DNAH5: variants seen among roughly 807,000 people sequenced by gnomAD.
DNAH5 encodes the protein dynein axonemal heavy chain 5.
In DNAH5, 372 loss-of-function variants were observed where a neutral mutation model predicts 518.2. That is an observed-to-expected ratio of 0.72 (90% CI 0.66 to 0.78). The LOEUF is 0.78. Among genes scored for constraint, DNAH5 ranks in the 30% least tolerant of loss-of-function variants. The pLI, the probability that DNAH5 is intolerant of heterozygous loss-of-function variation, is 0.00. For synonymous variants in DNAH5, 2,039 were observed against 2,025.9 expected, an observed-to-expected ratio of 1.01 and a Z score of -0.17; for missense variants, 5,523 against 5,687.0, an observed-to-expected ratio of 0.97 and a Z score of 0.93.
At chr5:13,741,522 GA>G (rs1257461413) in intron 65 of DNAH5, among the ~76,000 whole-genome samples, 1 of 152,120 alleles carries the variant, frequency 6.6e-6, no homozygotes, top group Non-Finnish European at 1.5e-5. Context: ...TCAAATTTCA[GA>G]AAATGTAGAA....
intron 3 of DNAH5, 114 bp downstream of exon 3, chr5:13,927,980 C>T: frequency 1.2e-6 from 1 of 860,114 alleles, no homozygotes; most frequent in Non-Finnish European, 1.9e-6. Flanking sequence ...CACGCATCTC[C>T]CTCCCGCCCG....
chr5:13,985,430 A>AATATATACATATAT (rs1395996357), intron 1 of DNAH5, among the ~76,000 whole-genome samples: 33 of 127,330 alleles, frequency 2.6e-4, no homozygotes, highest in African/African-American at 8.9e-4. Flanking sequence ...AGTATAATAA[A>AATATATACATATAT]ATATATATAT....
rs112622685 is a variant in DNAH5, at chr5:13,872,357, G to A, written c.3397-592C>T. Among the ~76,000 whole-genome samples the A allele has an allele frequency of 3.4e-3, 523 of 152,258 alleles. 4 individuals carry two copies. The highest frequency in any genetic ancestry group is 0.012 in the African/African-American group (502 of 41,568). On this transcript the variant is annotated intron_variant, in intron 22 of 78. Transcript: ENST00000265104. Reference sequence around the variant, plus strand: ...ATAAAATGTATAATTCATATAACTAGAATTGACATCTGAACAATACTACAT... The same window carrying A: ...ATAAAATGTATAATTCATATAACTAAAATTGACATCTGAACAATACTACAT...
At position 13,883,035 on chromosome 5, in the gene DNAH5, T is replaced by G. The variant is rs756780275; in HGVS notation, c.3043A>C (p.Thr1015Pro). 1 of 1,614,168 alleles carries G rather than the reference T, an allele frequency of 6.2e-7. No individual in the cohort carries two copies. Among genetic ancestry groups the G allele is most frequent in the East Asian group, 2.2e-5 (1 of 44,886 alleles). Reference sequence around the variant, plus strand: ...ATGACGATGTTGGGAATGGCCAGAGTGACGCTTGCCCGGAAAATGGGCAAA... The same window carrying G: ...ATGACGATGTTGGGAATGGCCAGAGGGACGCTTGCCCGGAAAATGGGCAAA... ...NSLPIFRASV[T>P]LAIPNIVMAP... is the part of the protein sequence containing the mutation. The change falls in exon 20 of 79, where the codon ACT becomes CCT. Residue 1015 changes from threonine (T) to proline (P), a missense_variant. Physicochemically the swap from Thr to Pro is conservative, Grantham distance 38. Coordinates refer to ENST00000265104, the MANE Select transcript of DNAH5 (RefSeq NM_001369.3).
At chr5:13,832,259 T>A (rs1261806217) in intron 35 of DNAH5, among the ~76,000 whole-genome samples, 1 of 152,216 alleles carries the variant, frequency 6.6e-6, no homozygotes, top group Non-Finnish European at 1.5e-5. Flanking sequence ...ACAACTGAGA[T>A]CACTGGGTTT....
intron 70 of DNAH5, among the ~76,000 whole-genome samples, chr5:13,722,007 C>A (rs1190091368): frequency 3.3e-5 from 5 of 152,142 alleles, no homozygotes; most frequent in Non-Finnish European, 5.9e-5. Flanking sequence ...AACATTTTTC[C>A]TCCTATTCTG....
At chr5:14,006,926 C>G (rs866381661) in intron 1 of DNAH5, among the ~76,000 whole-genome samples, 17 of 152,208 alleles carry the variant, frequency 1.1e-4, no homozygotes, top group Non-Finnish European at 2.2e-4. Context: ...GAGCTCCACT[C>G]TGAGCCTCCA....
At chr5:13,765,150 A>C (rs1256082379) in intron 59 of DNAH5, among the ~76,000 whole-genome samples, 1 of 152,230 alleles carries the variant, frequency 6.6e-6, no homozygotes, top group Non-Finnish European at 1.5e-5. Context: ...TGGCAGCTTA[A>C]AACAGCCATC....
At chr5:13,811,098 G>T (rs1760632026) in intron 44 of DNAH5, among the ~76,000 whole-genome samples, 1 of 152,038 alleles carries the variant, frequency 6.6e-6, no homozygotes, top group Non-Finnish European at 1.5e-5. Context: ...AGTGGGGAGG[G>T]GTGAGGAAAT....
intron 54 of DNAH5, among the ~76,000 whole-genome samples, 193 bp from the exon 55 acceptor site, chr5:13,776,899 T>C (rs989079188): frequency 5.9e-5 from 9 of 152,214 alleles, no homozygotes; most frequent in African/African-American, 2.2e-4. Flanking sequence ...TGCAAAGTTG[T>C]AGCCCCGGAA....
intron 49 of DNAH5, among the ~76,000 whole-genome samples, chr5:13,793,309 A>G (rs1175856023): frequency 6.6e-6 from 1 of 152,194 alleles, no homozygotes; most frequent in African/African-American, 2.4e-5. Context: ...CATAAATGGA[A>G]AAGCTCTACC....
intron 1 of DNAH5, among the ~76,000 whole-genome samples, chr5:14,003,152 A>C (rs1366442842): frequency 1.3e-5 from 2 of 152,210 alleles, no homozygotes; most frequent in East Asian, 3.8e-4. Context: ...TCTTAATAGC[A>C]GTAAATTAAT....
intron 1 of DNAH5, among the ~76,000 whole-genome samples, chr5:14,007,450 A>G (rs1784797879): frequency 6.6e-6 from 1 of 152,188 alleles, no homozygotes; most frequent in Non-Finnish European, 1.5e-5. Flanking sequence ...TGGTGGCCCA[A>G]TCTGGAAGCG....
At chr5:13,923,154 A>G (rs1227703261) in intron 4 of DNAH5, 126 bp downstream of exon 4, 2 of 1,274,812 alleles carry the variant, frequency 1.6e-6, no homozygotes, top group Admixed American at 2.0e-5. Flanking sequence ...TTTTTAAAAA[A>G]TACTTCTCTG....
At chr5:13,920,739 T>C in intron 5 of DNAH5, 122 bp from the exon 6 acceptor site, 1 of 1,004,398 alleles carries the variant, frequency 1.0e-6, no homozygotes, top group Non-Finnish European at 1.5e-6. Context: ...AGGTAGCACA[T>C]ACCTCCTCTC....
At position 13,870,792 on chromosome 5, in the gene DNAH5, A is replaced by G. The variant is rs1278064923; in HGVS notation, c.3809T>C (p.Ile1270Thr). ...CTCAATAGGTCCTACTTGAAAGTCA[A>G]TGGAGATTTGCTCCTCCCTTATTTC... The part of the protein sequence containing the change: ...LKEIREEQIS[I>T]DFQVGPIEES... The change falls in exon 24 of 79, where the codon ATT becomes ACT. Residue 1270 changes from isoleucine to threonine, a missense_variant. Ile to Thr is a moderately conservative substitution (Grantham distance 89, BLOSUM62 -1). Transcript: ENST00000265104. The G allele has an allele frequency of 3.1e-6, 5 of 1,613,588 alleles. No homozygotes were observed. Among genetic ancestry groups the G allele is most frequent in the South Asian group, 1.1e-5 (1 of 91,082 alleles).
chr5:13,931,059 A>AC, intron 2 of DNAH5, 51 bp downstream of exon 2: 1 of 1,613,366 alleles, frequency 6.2e-7, no homozygotes, highest in Non-Finnish European at 8.5e-7. Flanking sequence ...GTGTCAACAG[A>AC]CCATCTGTGC....
At position 13,841,350 on chromosome 5, in the gene DNAH5, T is replaced by G. The variant is rs2053683; in HGVS notation, c.5485-220A>C. ...CTCATTGTTTCCTGTATTTTAATGC[T>G]GAATCTATTTTTCTTTTTTTAGTAA... On this transcript the variant is annotated intron_variant, in intron 33 of 78. Coordinates refer to ENST00000265104, the MANE Select transcript of DNAH5 (RefSeq NM_001369.3). Among the ~76,000 whole-genome samples the G allele has an allele frequency of 0.4, 60,431 of 152,012 alleles. 12,356 individuals carry two copies. The highest frequency in any genetic ancestry group is 0.61 in the East Asian group (3,134 of 5,162).
At chr5:13,827,221 ATGGAAAGGAAAACACCAT>A (rs1409581604) in intron 38 of DNAH5, among the ~76,000 whole-genome samples, 8 of 152,198 alleles carry the variant, frequency 5.3e-5, no homozygotes, top group African/African-American at 1.9e-4. Context: ...CAATGATGCA[ATGGAAAGGAAAACACCAT>A]TTTCTGAGGA....
Sources: allele counts gnomAD v4.1 joint callset (sites outside exome capture counted in the v4.1 genomes callset), GRCh38; gene constraint gnomAD v4.1.1; transcripts MANE v1.5; gene names NCBI Gene and HGNC (gene_info 2026-07-23, HGNC 2026-07-21).